Variants in FRMD4B observed in about 807,000 individuals in gnomAD.
The protein encoded by FRMD4B is FERM domain containing 4B, also known as FERM domain-containing protein 4B.
FRMD4B carries 74 observed loss-of-function variants against 141.5 expected under a neutral mutation model. The ratio of observed to expected loss-of-function variants is 0.52; its 90% CI spans 0.43 to 0.63. FRMD4B has a LOEUF of 0.63. FRMD4B is among the 30% of genes least tolerant of loss of function. The pLI is 0.00. For synonymous variants in FRMD4B, 506 were observed against 467.9 expected, an observed-to-expected ratio of 1.08 and a Z score of -1.05; for missense variants, 1,366 against 1,253.4, an observed-to-expected ratio of 1.09 and a Z score of -1.36.
chr3:69,250,331 GC>G, intron 5 of FRMD4B: 5 of 432,628 alleles, frequency 1.2e-5, no homozygotes, highest in South Asian at 3.2e-5. Flanking sequence ...ATTTTAAATA[GC>G]TGTGGTGACG....
At chr3:69,265,272 ATATATATATATATATAT>A (rs1559763015) in intron 5 of FRMD4B, among the ~76,000 whole-genome samples, 4,855 of 16,078 alleles carry the variant, frequency 0.3, 1,212 homozygotes, top group East Asian at 0.51. Flanking sequence ...AAAAAAAAAT[ATATATATATATATATAT>A]ATATATATAT....
At chr3:69,324,449 C>T (rs1292521769) in intron 1 of FRMD4B, among the ~76,000 whole-genome samples, 1 of 152,258 alleles carries the variant, frequency 6.6e-6, no homozygotes, top group African/African-American at 2.4e-5. Flanking sequence ...GCTTGTCCTA[C>T]AGTTCTCAAC....
At chr3:69,490,376 T>A (rs1264905472) in intron 1 of FRMD4B, among the ~76,000 whole-genome samples, 2 of 152,248 alleles carry the variant, frequency 1.3e-5, no homozygotes, top group African/African-American at 4.8e-5. Flanking sequence ...CTTTTTGTCA[T>A]GAATGCCTTG....
At chr3:69,220,158 T>A (rs1353080235) in intron 9 of FRMD4B, among the ~76,000 whole-genome samples, 1 of 152,152 alleles carries the variant, frequency 6.6e-6, no homozygotes, top group Non-Finnish European at 1.5e-5. Flanking sequence ...CATCATAGAG[T>A]GCACTTACAC....
chr3:69,477,524 T>C (rs942087978), intron 1 of FRMD4B, among the ~76,000 whole-genome samples: 119 of 151,894 alleles, frequency 7.8e-4, no homozygotes, highest in Non-Finnish European at 1.4e-3. Flanking sequence ...TTGCATATAT[T>C]GAACCAGCCT....
At chr3:69,453,387 T>G (rs1446898535) in intron 1 of FRMD4B, among the ~76,000 whole-genome samples, 1 of 152,208 alleles carries the variant, frequency 6.6e-6, no homozygotes, top group Non-Finnish European at 1.5e-5. Flanking sequence ...GACTGTACTT[T>G]GCTTCCTGGT....
intron 11 of FRMD4B, among the ~76,000 whole-genome samples, chr3:69,215,524 C>T (rs2093132305): frequency 6.6e-6 from 1 of 151,716 alleles, no homozygotes; most frequent in East Asian, 1.9e-4. Context: ...AATTCCTGAC[C>T]TTCTGATCCA....
intron 19 of FRMD4B, among the ~76,000 whole-genome samples, chr3:69,183,999 G>T (rs2092738684): frequency 1.3e-5 from 2 of 151,874 alleles, no homozygotes; most frequent in Non-Finnish European, 2.9e-5. Flanking sequence ...GGGTTCGAGT[G>T]ATCCTCCCAC....
At chr3:69,206,021 T>A (rs1329090790) in intron 11 of FRMD4B, among the ~76,000 whole-genome samples, 2 of 152,158 alleles carry the variant, frequency 1.3e-5, no homozygotes, top group East Asian at 1.9e-4. Context: ...GCTGTGGTAG[T>A]GAATGTTTCA....
At chr3:69,272,489 G>A (rs2093598929) in intron 5 of FRMD4B, among the ~76,000 whole-genome samples, 1 of 152,170 alleles carries the variant, frequency 6.6e-6, no homozygotes, top group South Asian at 2.1e-4. Flanking sequence ...AGAATTTACA[G>A]CTTACAACAT....
chr3:69,191,206 G>C (rs1336782475), intron 17 of FRMD4B, among the ~76,000 whole-genome samples: 1 of 152,096 alleles, frequency 6.6e-6, no homozygotes, highest in Non-Finnish European at 1.5e-5. Context: ...ATCACTTGAG[G>C]GTCAGGAGTT....
At chr3:69,256,665 T>C (rs1020841126) in intron 5 of FRMD4B, among the ~76,000 whole-genome samples, 5 of 152,162 alleles carry the variant, frequency 3.3e-5, no homozygotes, top group Non-Finnish European at 5.9e-5. Flanking sequence ...GGAGGAGCCA[T>C]GCCAACACTG....
chr3:69,422,393 A>AAAG (rs1553641712), intron 2 of FRMD4B, among the ~76,000 whole-genome samples: 1 of 151,936 alleles, frequency 6.6e-6, no homozygotes, highest in African/African-American at 2.4e-5. Flanking sequence ...AAAAAAAAAA[A>AAAG]AAAAGAAGAG....
intron 1 of FRMD4B, chr3:69,432,782 G>A (rs1021975589): frequency 1.3e-5 from 2 of 152,154 alleles, no homozygotes; most frequent in African/African-American, 4.8e-5. Context: ...GAAGAGAGAA[G>A]CTCCTTAATT....
chr3:69,427,643 GTTTTTTTTTTTTTT>G (rs774316609), intron 2 of FRMD4B, among the ~76,000 whole-genome samples: 34 of 36,244 alleles, frequency 9.4e-4, no homozygotes, highest in Admixed American at 5.1e-3. Flanking sequence ...CTAGGTAAAT[GTTTTTTTTTTTTTT>G]TTTTTTTTTT....
chr3:69,430,923 T>C (rs189917621), intron 2 of FRMD4B, among the ~76,000 whole-genome samples: 7 of 152,240 alleles, frequency 4.6e-5, no homozygotes, highest in Non-Finnish European at 7.3e-5. Context: ...GTAGGGACAA[T>C]ATTTTTGGAA....
At chr3:69,337,892 A>C (rs957082881) in intron 1 of FRMD4B, among the ~76,000 whole-genome samples, 7 of 152,224 alleles carry the variant, frequency 4.6e-5, no homozygotes, top group African/African-American at 1.7e-4. Flanking sequence ...TGTGGAAGAC[A>C]GTGTGGCGAT....
chr3:69,383,884 C>G (rs1178056197), intron 1 of FRMD4B, among the ~76,000 whole-genome samples: 1 of 152,168 alleles, frequency 6.6e-6, no homozygotes, highest in Non-Finnish European at 1.5e-5. Flanking sequence ...GTGCTAGAAA[C>G]ATTCAAATTA....
chr3:69,476,103 G>T (rs1705992173), intron 1 of FRMD4B, among the ~76,000 whole-genome samples: 1 of 150,496 alleles, frequency 6.6e-6, no homozygotes, highest in Non-Finnish European at 1.5e-5. Context: ...CTGGATATTA[G>T]CCCTTTGTCA....
Sources: gnomAD v4.1 joint callset for allele counts (sites outside exome capture counted in the v4.1 genomes callset) on GRCh38, gnomAD v4.1.1 for gene constraint, MANE v1.5 for transcripts, NCBI Gene and HGNC (gene_info 2026-07-23, HGNC 2026-07-21) for gene names.